Variants in HTT observed in about 807,000 individuals in gnomAD.
The protein encoded by HTT is huntington disease protein.
HTT carries 104 observed loss-of-function variants against 362.3 expected under a neutral mutation model. The ratio of observed to expected loss-of-function variants is 0.29; its 90% CI spans 0.24 to 0.34. HTT has a LOEUF of 0.34. HTT is among the 10% of genes least tolerant of loss of function. The probability of loss-of-function intolerance (pLI) is 1.00; values close to 1 mark genes in which losing one functional copy is unlikely to be tolerated. For missense variants in HTT, 3,301 were observed against 3,928.6 expected (o/e 0.84, Z 4.27); for synonymous variants, 1,577 against 1,548.7 (o/e 1.02, Z -0.43).
intron 40 of HTT, among the ~76,000 whole-genome samples, chr4:3,199,155 C>T (rs1719407650): frequency 6.6e-6 from 1 of 152,226 alleles, no homozygotes; most frequent in African/African-American, 2.4e-5. Flanking sequence ...CAGCTCTTGG[C>T]TTGGAGCTCC....
At chr4:3,171,512 C>T (rs543584823) in intron 29 of HTT, among the ~76,000 whole-genome samples, 1 of 148,380 alleles carries the variant, frequency 6.7e-6, no homozygotes, top group East Asian at 2.0e-4. Flanking sequence ...GCTCTTGTTG[C>T]CCAGGTAACA....
chr4:3,089,076 A>T (rs1030751533), intron 2 of HTT, among the ~76,000 whole-genome samples: 2 of 152,212 alleles, frequency 1.3e-5, no homozygotes, highest in African/African-American at 4.8e-5. Flanking sequence ...ATAAGCTGTA[A>T]CGTGTTTGAG....
chr4:3,188,951 G>T lies in HTT; in HGVS notation c.5226G>T (p.Arg1742Ser). 6.2e-7 allele frequency: 1 copy of T among 1,613,774 alleles called. No individual in the cohort carries two copies. Among genetic ancestry groups the T allele is most frequent in the Non-Finnish European group, 8.5e-7 (1 of 1,179,850 alleles). ...IKNLPEETFS[R>S]FLLQLVGILL... The stretch of plus-strand genomic sequence containing the variant: ...TGTCATCTTTTTTGTTTCTTGGAAG[G>T]TTTCTATTACAACTGGTTGGTATTC... Residue 1742 changes from arginine (R) to serine (S), a missense_variant and splice_region_variant, in exon 40 of 67, where the codon AGG becomes AGT. This residue lies in a region of HTT where 2,316 missense variants were observed against 2,658.5 expected (regional missense o/e 0.87). Coordinates refer to ENST00000355072, the MANE Select transcript of HTT (RefSeq NM_001388492.1).
chr4:3,132,530 T>A (rs1243241485), intron 16 of HTT, 32 bp from the exon 17 acceptor site: 2 of 1,588,416 alleles, frequency 1.3e-6, no homozygotes, highest in Non-Finnish European at 1.7e-6. Flanking sequence ...TAGTAGGGAA[T>A]TGTTCCATGG....
At chr4:3,134,669 A>G in intron 19 of HTT, 129 bp downstream of exon 19, 1 of 757,424 alleles carries the variant, frequency 1.3e-6, no homozygotes. Context: ...GGTAGATGAC[A>G]GTGATTTTCT....
intron 53 of HTT, among the ~76,000 whole-genome samples, chr4:3,220,522 C>T (rs1427335454): frequency 6.6e-6 from 1 of 152,126 alleles, no homozygotes; most frequent in African/African-American, 2.4e-5. Flanking sequence ...GGCTTGAATC[C>T]CAGCTTTGTG....
chr4:3,203,782 T>G (rs954725648), intron 41 of HTT, among the ~76,000 whole-genome samples: 42 of 152,280 alleles, frequency 2.8e-4, no homozygotes, highest in Admixed American at 1.4e-3. Context: ...ATTTTAATTT[T>G]CTGCCTGTTA....
Position 3,134,486 on chromosome 4 carries a change from C to G in HTT, c.2579C>G (p.Ser860Cys), listed in dbSNP as rs777435814. Residue 860 changes from serine to cysteine, a missense_variant, in exon 19 of 67, where the codon TCC becomes TGC. Transcript: ENST00000355072. ...GATGTGCTGACTCTGAGGAACAGTT[C>G]CTATTGGCTGGTGAGGACAGAGCTT... ...IIDVLTLRNS[S>C]YWLVRTELLE... The G allele has an allele frequency of 6.2e-6, 10 of 1,613,808 alleles. No homozygotes were observed. Among genetic ancestry groups the G allele is most frequent in the South Asian group, 5.5e-5 (5 of 91,078 alleles).
chr4:3,085,180 C>T (rs1349989695), intron 1 of HTT, among the ~76,000 whole-genome samples: 1 of 151,846 alleles, frequency 6.6e-6, no homozygotes, highest in Non-Finnish European at 1.5e-5. Context: ...CTCTGTTCCC[C>T]AGGCTAGAGT....
At chr4:3,152,739 C>T (rs887632887) in intron 26 of HTT, among the ~76,000 whole-genome samples, 8 of 151,622 alleles carry the variant, frequency 5.3e-5, no homozygotes, top group African/African-American at 1.9e-4. Context: ...TTCTGCCTCC[C>T]GGGTTCAAGC....
intron 30 of HTT, 32 bp from the exon 31 acceptor site, chr4:3,172,876 A>G: frequency 6.9e-7 from 1 of 1,441,062 alleles, no homozygotes; most frequent in Non-Finnish European, 9.8e-7. Flanking sequence ...TGTTCACGCC[A>G]CATTGTTGAT....
chr4:3,132,275 T>A (rs1192862399), intron 16 of HTT, among the ~76,000 whole-genome samples: 1 of 152,196 alleles, frequency 6.6e-6, no homozygotes, highest in African/African-American at 2.4e-5. Context: ...TAATCTTTTT[T>A]AAGTGGAATC....
At chr4:3,139,510 T>A (rs1716236615) in intron 21 of HTT, among the ~76,000 whole-genome samples, 1 of 152,226 alleles carries the variant, frequency 6.6e-6, no homozygotes, top group Non-Finnish European at 1.5e-5. Context: ...TAGTTACTTC[T>A]TATATTCTAG....
At chr4:3,149,281 A>C (rs1716761861) in intron 26 of HTT, among the ~76,000 whole-genome samples, 1 of 149,810 alleles carries the variant, frequency 6.7e-6, no homozygotes, top group South Asian at 2.1e-4. Flanking sequence ...TTTAAGATAG[A>C]CCAGTTCACA....
intron 29 of HTT, among the ~76,000 whole-genome samples, chr4:3,170,484 T>C (rs570265006): frequency 1.3e-5 from 2 of 152,272 alleles, no homozygotes; most frequent in African/African-American, 4.8e-5. Flanking sequence ...TTCCAATGCT[T>C]CTTTCCCTGG....
Position 3,134,496 on chromosome 4 carries a change from G to A in HTT, c.2589G>A (p.Leu863=). 1 of 1,613,998 alleles carries A rather than the reference G, an allele frequency of 6.2e-7. No homozygotes were observed. The highest frequency in any genetic ancestry group is 1.1e-5 in the South Asian group (1 of 91,068). The change falls in exon 19 of 67, where the codon CTG becomes CTA. Residue 863 remains leucine (L), a synonymous_variant. Transcript: ENST00000355072. ...VLTLRNSSYW[L]VRTELLETLA... ...CTCTGAGGAACAGTTCCTATTGGCT[G>A]GTGAGGACAGAGCTTCTGGAAACCC...
chr4:3,152,745 C>T (rs1245109437), intron 26 of HTT, among the ~76,000 whole-genome samples: 1 of 151,270 alleles, frequency 6.6e-6, no homozygotes, highest in Non-Finnish European at 1.5e-5. Flanking sequence ...CTCCCGGGTT[C>T]AAGCGATTCT....
At chr4:3,217,176 C>T (rs1720445835) in intron 51 of HTT, among the ~76,000 whole-genome samples, 1 of 152,186 alleles carries the variant, frequency 6.6e-6, no homozygotes, top group East Asian at 1.9e-4. Flanking sequence ...ACACTCACTG[C>T]CTCAACAAAT....
Position 3,206,448 on chromosome 4 carries a change from C to G in HTT, c.5719-48C>G, listed in dbSNP as rs777924738. ...CCTTTCTATGGCATTAATACCTGGT[C>G]TCTTCTTGTGTACTTGAAAATGAAT... On this transcript the variant is annotated intron_variant, in intron 42 of 66. Coordinates refer to ENST00000355072, the MANE Select transcript of HTT (RefSeq NM_001388492.1). The surrounding 1 kb of genome is among the most constrained non-coding windows in gnomAD (Gnocchi z 4.6). 2.0e-6 allele frequency: 3 copies of G among 1,481,630 alleles called. No individual in the cohort carries two copies. The highest frequency in any genetic ancestry group is 2.8e-6 in the Non-Finnish European group (3 of 1,061,670). The allele number at this position is 1,481,630 out of a possible 1,614,324, so 91.8% of individuals were successfully genotyped here. A position where few individuals can be genotyped will look rare whatever the true frequency, so the allele number is the denominator to read the frequency against.
Sources: gnomAD v4.1 joint callset for allele counts (sites outside exome capture counted in the v4.1 genomes callset) on GRCh38, gnomAD v4.1.1 for gene constraint, gnomAD v4.1.1 regional missense constraint, Gnocchi (gnomAD v3.1) non-coding constraint, MANE v1.5 for transcripts, NCBI Gene and HGNC (gene_info 2026-07-23, HGNC 2026-07-21) for gene names.